PSAP: variants seen among roughly 807,000 people sequenced by gnomAD.
PSAP encodes prosaposin.
A neutral mutation model predicts 66.0 loss-of-function variants in PSAP; 25 were observed. That is an observed-to-expected ratio of 0.38 (90% confidence interval 0.28 to 0.53). The LOEUF is 0.53. Among genes scored for constraint, PSAP ranks in the 20% least tolerant of loss-of-function variants. The pLI is 0.83. For missense variants in PSAP, 649 were observed against 668.8 expected (o/e 0.97, Z 0.33); for synonymous variants, 273 against 258.9 (o/e 1.05, Z -0.52).
chr10:71,836,735 G>C (rs536897490), intron 1 of PSAP, among the ~76,000 whole-genome samples: 1 of 152,158 alleles, frequency 6.6e-6, no homozygotes, highest in Non-Finnish European at 1.5e-5. Flanking sequence ...TGTCCACCCA[G>C]CTACTTTCTC....
intron 1 of PSAP, chr10:71,844,659 CTG>C (rs943004380): frequency 6.6e-6 from 1 of 152,054 alleles, no homozygotes; most frequent in Admixed American, 6.6e-5. Flanking sequence ...GAGCAAGACT[CTG>C]TGTCAAAAAA....
At position 71,821,864 on chromosome 10, in the gene PSAP, G is replaced by T; in HGVS notation, c.909+12C>A. 1.2e-6 allele frequency: 2 copies of T among 1,614,152 alleles called. No individual in the cohort carries two copies. The highest frequency in any genetic ancestry group is 1.7e-6 in the Non-Finnish European group (2 of 1,180,012). Reference sequence around the variant, plus strand: ...CACAGCCCTGACCAGGACACAAAGTGACACCAGGTACCTTAATGGGCTCCA... The same window carrying T: ...CACAGCCCTGACCAGGACACAAAGTTACACCAGGTACCTTAATGGGCTCCA... On this transcript the variant is annotated intron_variant, in intron 8 of 13. Coordinates refer to ENST00000394936, the MANE Select transcript of PSAP (RefSeq NM_002778.4).
At chr10:71,823,771 C>T in intron 7 of PSAP, 1 of 725,264 alleles carries the variant, frequency 1.4e-6, no homozygotes, top group East Asian at 6.5e-5. Flanking sequence ...GAGCCTGCCT[C>T]TCGTAACCAT....
chr10:71,821,909 G>A lies in PSAP; in HGVS notation c.876C>T (p.Val292=). The A allele has an allele frequency of 6.2e-7, 1 of 1,614,210 alleles. No homozygotes were observed. Among genetic ancestry groups the A allele is most frequent in the South Asian group, 1.1e-5 (1 of 91,090 alleles). ...GCTCCACCAGTTCCAGGGCAGGGAT[G>A]ACATTCTTGGAGGCCACTTTGGCGG... The part of the protein sequence containing the change: ...LVPAKVASKN[V]IPALELVEPI... The change falls in exon 8 of 14, where the codon GTC becomes GTT. Residue 292 remains valine, a synonymous_variant. Coordinates refer to ENST00000394936, the MANE Select transcript of PSAP (RefSeq NM_002778.4).
intron 1 of PSAP, among the ~76,000 whole-genome samples, chr10:71,848,178 G>A (rs996762626): frequency 2.6e-5 from 4 of 152,190 alleles, no homozygotes; most frequent in Non-Finnish European, 4.4e-5. Flanking sequence ...TGTTTCCTTC[G>A]GGGCAAGTGG....
rs1447913687 is a variant in PSAP, at chr10:71,835,832, AAAAAAAAC to A, written c.41-1335_41-1328del. ...CCAAGTCTGAGACAGAAAAAAAAAAAAAAAAAACAAAACACAATCACCTGAGAAACACA... is the reference window on the plus strand; with the variant it reads ...CCAAGTCTGAGACAGAAAAAAAAAAAAAAACACAATCACCTGAGAAACACA... On this transcript the variant is annotated intron_variant, in intron 1 of 13. Transcript: ENST00000394936. Among the ~76,000 whole-genome samples the A allele has an allele frequency of 9.1e-5, 12 of 132,334 alleles. 1 individual carries two copies. Among genetic ancestry groups the A allele is most frequent in the African/African-American group, 3.7e-4 (12 of 32,034 alleles). 86.8% of individuals were successfully genotyped at this position (132,334 alleles called of 152,430 possible). A position where few individuals can be genotyped will look rare whatever the true frequency, so the allele number is the denominator to read the frequency against.
intron 7 of PSAP, chr10:71,823,899 G>A (rs1842351190): frequency 7.7e-7 from 1 of 1,297,752 alleles, no homozygotes; most frequent in East Asian, 5.3e-5. Flanking sequence ...TGATCCTGCT[G>A]TTGAACAAAA....
At chr10:71,822,153 T>C in intron 7 of PSAP, 146 bp from the exon 8 acceptor site, 1 of 1,055,072 alleles carries the variant, frequency 9.5e-7, no homozygotes, top group Non-Finnish European at 1.4e-6. Context: ...ACGGGGCAGA[T>C]TCCAGTTTCC....
At chr10:71,837,151 T>C (rs958296786) in intron 1 of PSAP, among the ~76,000 whole-genome samples, 3 of 152,208 alleles carry the variant, frequency 2.0e-5, no homozygotes, top group African/African-American at 7.2e-5. Flanking sequence ...TTCCAACTCC[T>C]AGAAAGTGCC....
chr10:71,823,754 A>T, intron 7 of PSAP: 3 of 601,214 alleles, frequency 5.0e-6, no homozygotes, highest in Non-Finnish European at 5.2e-6. Context: ...GCCTATTAAC[A>T]GAGAGGGAGC....
rs755154023 is a variant in PSAP at position 71,828,870 on chromosome 10, G to C, written c.576+7C>G. On this transcript the variant is annotated splice_region_variant and intron_variant, in intron 5 of 13. Transcript: ENST00000394936. ...ATGGGTCCTCAGTGGCCAGCCCGTT[G>C]TCTTACCTTTGGCTGGGGCTTGCTG... 1.2e-6 allele frequency: 2 copies of C among 1,613,938 alleles called. No individual in the cohort carries two copies. The highest frequency in any genetic ancestry group is 1.7e-6 in the Non-Finnish European group (2 of 1,179,996).
intron 2 of PSAP, among the ~76,000 whole-genome samples, chr10:71,832,276 G>A (rs1001497026): frequency 6.6e-6 from 1 of 152,114 alleles, no homozygotes; most frequent in African/African-American, 2.4e-5. Context: ...AGGTGGGTGG[G>A]ACAGAGAAAC....
chr10:71,819,369 A>G (rs1415152584), intron 11 of PSAP, 96 bp downstream of exon 11: 4 of 1,548,962 alleles, frequency 2.6e-6, no homozygotes, highest in African/African-American at 1.4e-5. Context: ...GCCCGGAGGC[A>G]GAAACAGCTG....
rs1420383383 is a variant in PSAP, at chr10:71,831,997, C to T, written c.175-77G>A. The T allele has an allele frequency of 8.8e-6, 12 of 1,365,728 alleles. No homozygotes were observed. In the East Asian group the frequency reaches 9.2e-5, roughly 10 times the overall value. The allele number at this position is 1,365,728 out of a possible 1,614,324, so 84.6% of individuals were successfully genotyped here. The stretch of plus-strand genomic sequence containing the variant: ...CCACACAGCTGGAACTCCCCATGGC[C>T]TTTTCGCTATTCTCTCTAACCAGGG... On this transcript the variant is annotated intron_variant, in intron 2 of 13. Coordinates refer to ENST00000394936, the MANE Select transcript of PSAP (RefSeq NM_002778.4).
At chr10:71,830,680 C>T (rs116449402) in intron 4 of PSAP, among the ~76,000 whole-genome samples, 108 of 152,342 alleles carry the variant, frequency 7.1e-4, no homozygotes, top group African/African-American at 2.5e-3. Context: ...TTGCTAAAAA[C>T]CCAGTCTGTG....
intron 5 of PSAP, 33 bp from the exon 6 acceptor site, chr10:71,828,190 G>C: frequency 4.3e-6 from 7 of 1,613,762 alleles, no homozygotes; most frequent in Non-Finnish European, 5.9e-6. Context: ...TGCAACTTAA[G>C]AGGACTCAAA....
chr10:71,825,571 TGGCCTGAACGGG>T lies in PSAP; in HGVS notation c.777+254_777+265del. On this transcript the variant is annotated intron_variant, in intron 7 of 13. Coordinates refer to ENST00000394936, the MANE Select transcript of PSAP (RefSeq NM_002778.4). ...AAGCCAGACCTAGAAACCTGATGGC[TGGCCTGAACGGG>T]CAGAGGCAAACAAATTGCCAGGAAG... 2.0e-5 allele frequency: 11 copies of T among 536,706 alleles called. 2 individuals carry two copies. The highest frequency in any genetic ancestry group is 3.9e-5 in the Non-Finnish European group (11 of 282,126). The allele number at this position is 536,706 out of a possible 1,614,324, so 33.2% of individuals were successfully genotyped here. A position where few individuals can be genotyped will look rare whatever the true frequency, so the allele number is the denominator to read the frequency against.
intron 1 of PSAP, among the ~76,000 whole-genome samples, chr10:71,843,782 A>C (rs998230566): frequency 1.3e-5 from 2 of 152,230 alleles, no homozygotes; most frequent in African/African-American, 4.8e-5. Flanking sequence ...AGGAACCAAA[A>C]AATGAGATTA....
chr10:71,822,664 T>C, intron 7 of PSAP: 1 of 471,952 alleles, frequency 2.1e-6, no homozygotes, highest in South Asian at 1.6e-5. Context: ...ATCCTGACCA[T>C]GACACTCTGA....
Sources: allele counts gnomAD v4.1 joint callset (sites outside exome capture counted in the v4.1 genomes callset), GRCh38; gene constraint gnomAD v4.1.1; transcripts MANE v1.5; gene names NCBI Gene and HGNC (gene_info 2026-07-23, HGNC 2026-07-21).